MICAL2: variants seen among roughly 807,000 people sequenced by gnomAD.
MICAL2 encodes [F-actin]-monooxygenase MICAL2.
A neutral mutation model predicts 127.3 loss-of-function variants in MICAL2; 77 were observed. The ratio of observed to expected loss-of-function variants is 0.60; its 90% CI spans 0.50 to 0.73. The LOEUF is 0.73. MICAL2 is among the 30% of genes least tolerant of loss of function. The probability of loss-of-function intolerance (pLI) is 0.00; values close to 1 mark genes in which losing one functional copy is unlikely to be tolerated. For missense variants in MICAL2, 1,351 were observed against 1,434.4 expected (o/e 0.94, Z 0.94); for synonymous variants, 570 against 551.1 (o/e 1.03, Z -0.48).
chr11:12,177,062 A>G (rs980884220), intron 3 of MICAL2, among the ~76,000 whole-genome samples: 1 of 152,130 alleles, frequency 6.6e-6, no homozygotes, highest in African/African-American at 2.4e-5. Context: ...TTCTATTTTT[A>G]CTTTTTTGAG....
At chr11:12,262,218 A>G in intron 26 of MICAL2, 2 of 1,360,046 alleles carry the variant, frequency 1.5e-6, no homozygotes, top group Non-Finnish European at 1.9e-6. Context: ...CGCTAGAGTA[A>G]AATGGGGGCA....
rs190706001 is a variant in MICAL2, at chr11:12,247,093, G to A, written c.2785-2091G>A. Among the ~76,000 whole-genome samples the A allele has an allele frequency of 2.5e-3, 378 of 152,278 alleles. 2 individuals are homozygous for A. Among genetic ancestry groups the A allele is most frequent in the Non-Finnish European group, 3.8e-3 (256 of 68,012 alleles). The stretch of plus-strand genomic sequence containing the variant: ...CAGAGTCACAGGTAAGAAGGCAAAG[G>A]CTCAGGGAGGAGACTGGAGCCCAGC... On this transcript the variant is annotated intron_variant, in intron 21 of 27. Coordinates refer to ENST00000683283, the MANE Select transcript of MICAL2 (RefSeq NM_001282663.2).
At chr11:12,355,682 G>A (rs759087999) in intron 34 of MICAL2, among the ~76,000 whole-genome samples, 17 of 152,242 alleles carry the variant, frequency 1.1e-4, no homozygotes, top group South Asian at 4.2e-4. Flanking sequence ...GTATTTTCGC[G>A]CCCAATTTAC....
At chr11:12,312,183 C>T (rs932231660) in intron 29 of MICAL2, among the ~76,000 whole-genome samples, 3 of 151,774 alleles carry the variant, frequency 2.0e-5, no homozygotes, top group Non-Finnish European at 2.9e-5. Flanking sequence ...GTCAAATTTT[C>T]GCTTTGTTGA....
chr11:12,134,025 G>C (rs1851639258), intron 1 of MICAL2, among the ~76,000 whole-genome samples: 1 of 152,192 alleles, frequency 6.6e-6, no homozygotes, highest in Non-Finnish European at 1.5e-5. Context: ...GTGTGCATGG[G>C]GTGGAACAGG....
At chr11:12,309,563 CTTTA>C (rs538266719) in intron 29 of MICAL2, among the ~76,000 whole-genome samples, 204 of 152,018 alleles carry the variant, frequency 1.3e-3, no homozygotes, top group African/African-American at 4.4e-3. Flanking sequence ...ACCACATTTT[CTTTA>C]TTCATTCATC....
At chr11:12,284,324 C>G (rs867341237) in intron 2 of MICAL2, among the ~76,000 whole-genome samples, 2 of 152,300 alleles carry the variant, frequency 1.3e-5, no homozygotes, top group Middle Eastern at 3.4e-3. Flanking sequence ...AATACCCTCT[C>G]ACTCCTTTTA....
At chr11:12,163,393 G>A (rs1278150705) in intron 3 of MICAL2, among the ~76,000 whole-genome samples, 10 of 152,160 alleles carry the variant, frequency 6.6e-5, no homozygotes, top group East Asian at 1.9e-4. Flanking sequence ...AATTCCAGCC[G>A]GTGCCAATCC....
At chr11:12,191,421 A>G (rs10831756) in intron 3 of MICAL2, among the ~76,000 whole-genome samples, 94,901 of 150,062 alleles carry the variant, frequency 0.63, 30,200 homozygotes, top group African/African-American at 0.74. Flanking sequence ...GCAGTGAGCC[A>G]AGATCATGCC....
intron 3 of MICAL2, among the ~76,000 whole-genome samples, chr11:12,191,400 A>G (rs1440111634): frequency 6.7e-6 from 1 of 150,318 alleles, no homozygotes; most frequent in Non-Finnish European, 1.5e-5. Context: ...TGAACCTGGA[A>G]GGCGGAGGTT....
intron 29 of MICAL2, among the ~76,000 whole-genome samples, chr11:12,305,327 C>T (rs777477985): frequency 3.3e-5 from 5 of 152,086 alleles, no homozygotes; most frequent in Non-Finnish European, 7.4e-5. Flanking sequence ...CATCATATCT[C>T]GTGAGAATTC....
downstream of MICAL2, among the ~76,000 whole-genome samples, chr11:12,289,555 TGTTTTTTTTTG>T (rs756006398): frequency 8.1e-6 from 1 of 123,386 alleles, no homozygotes; most frequent in Non-Finnish European, 1.6e-5. Flanking sequence ...GGGCACCTCT[TGTTTTTTTTTG>T]TTTTTTTTTT....
chr11:12,358,416 A>G, exon 35 of MICAL2: 1 of 1,614,186 alleles, frequency 6.2e-7, no homozygotes, highest in Non-Finnish European at 8.5e-7. Flanking sequence ...TCAGAGAAAA[A>G]GCCGAGGACC....
At chr11:12,228,132 C>A (rs895380289) in intron 15 of MICAL2, among the ~76,000 whole-genome samples, 6 of 152,166 alleles carry the variant, frequency 3.9e-5, no homozygotes, top group African/African-American at 1.4e-4. Context: ...AGTTTGAGAC[C>A]AGCCTGGCCA....
chr11:12,281,182 A>G, intron 2 of MICAL2: 1 of 398,542 alleles, frequency 2.5e-6, no homozygotes, highest in Non-Finnish European at 4.4e-6. Flanking sequence ...CTCTTGGAGG[A>G]CCAGGTGACA....
intron 22 of MICAL2, chr11:12,255,001 C>T (rs1265435764): frequency 1.3e-5 from 2 of 149,406 alleles, no homozygotes; most frequent in African/African-American, 5.0e-5. Context: ...TCACTGCAAC[C>T]TCTGCCTCCC....
chr11:12,190,819 A>G (rs920365780), intron 3 of MICAL2, among the ~76,000 whole-genome samples: 2 of 152,260 alleles, frequency 1.3e-5, no homozygotes, highest in Non-Finnish European at 1.5e-5. Context: ...TTTAAGTAGC[A>G]GGACTTCAAC....
At position 12,209,501 on chromosome 11, in the gene MICAL2, T is replaced by G; in HGVS notation, c.594T>G (p.Ile198Met). ...CTCATTTCTCTGTCCTGGTAGAAAT[T>G]GGCTGGCGGGCAGAATTTCTCCCTA... is the stretch of plus-strand genomic sequence containing the variant. Reference protein sequence around the residue: ...EPPEDQENQKIGWRAEFLPTD... With the variant: ...EPPEDQENQKMGWRAEFLPTD... Residue 198 changes from isoleucine to methionine, a missense_variant, in exon 6 of 28, where the codon ATT becomes ATG. Coordinates refer to ENST00000683283, the MANE Select transcript of MICAL2 (RefSeq NM_001282663.2). The G allele has an allele frequency of 6.2e-7, 1 of 1,613,264 alleles. No individual in the cohort carries two copies. The highest frequency in any genetic ancestry group is 8.5e-7 in the Non-Finnish European group (1 of 1,179,170).
intron 25 of MICAL2, among the ~76,000 whole-genome samples, chr11:12,259,003 A>C (rs1862731036): frequency 6.6e-6 from 1 of 152,254 alleles, no homozygotes; most frequent in Admixed American, 6.5e-5. Flanking sequence ...CTGAATTCAT[A>C]GATGGTTTGT....
Sources: allele counts gnomAD v4.1 joint callset (sites outside exome capture counted in the v4.1 genomes callset), GRCh38; gene constraint gnomAD v4.1.1; transcripts MANE v1.5; gene names NCBI Gene and HGNC (gene_info 2026-07-23, HGNC 2026-07-21).